SLC24A3: variants seen among roughly 807,000 people sequenced by gnomAD.
The protein encoded by SLC24A3 is sodium/potassium/calcium exchanger 3.
A neutral mutation model predicts 75.8 loss-of-function variants in SLC24A3; 28 were observed. The observed-to-expected ratio is 0.37, with a 90% CI of 0.27 to 0.51. The LOEUF is 0.51. Among genes scored for constraint, SLC24A3 ranks in the 20% least tolerant of loss-of-function variants. The pLI is 0.94. For synonymous variants in SLC24A3, 372 were observed against 334.1 expected, an observed-to-expected ratio of 1.11 and a Z score of -1.24; for missense variants, 663 against 847.8, an observed-to-expected ratio of 0.78 and a Z score of 2.71.
At chr20:19,220,554 A>G (rs1981679059) in intron 1 of SLC24A3, among the ~76,000 whole-genome samples, 1 of 152,214 alleles carries the variant, frequency 6.6e-6, no homozygotes, top group Non-Finnish European at 1.5e-5. Context: ...AGAACATGAA[A>G]CATTTATTTT....
chr20:19,585,306 A>G lies in SLC24A3; in HGVS notation c.509-135A>G. ...TGCAGCTATCATCCCTCTGTAGATT[A>G]GAAAGCTCTCTCCACCCCTCAGCTG... On this transcript the variant is annotated intron_variant, in intron 5 of 16. Transcript: ENST00000328041. 4.6e-6 allele frequency: 4 copies of G among 869,470 alleles called. No individual in the cohort carries two copies. In the South Asian group the frequency reaches 6.6e-5, roughly 14 times the overall value. 53.9% of individuals were successfully genotyped at this position (869,470 alleles called of 1,614,324 possible).
intron 2 of SLC24A3, among the ~76,000 whole-genome samples, chr20:19,449,209 C>T (rs556151672): frequency 6.6e-6 from 1 of 152,254 alleles, no homozygotes; most frequent in Admixed American, 6.5e-5. Flanking sequence ...TTCTCTACCA[C>T]CCCCGATCCT....
At chr20:19,383,061 TAA>T (rs933182117) in intron 2 of SLC24A3, among the ~76,000 whole-genome samples, 5 of 152,214 alleles carry the variant, frequency 3.3e-5, no homozygotes, top group African/African-American at 4.8e-5. Context: ...GTGCAAGTGG[TAA>T]AGTCACCAAG....
chr20:19,378,300 A>T (rs2122367729), intron 2 of SLC24A3, among the ~76,000 whole-genome samples: 1 of 152,226 alleles, frequency 6.6e-6, no homozygotes, highest in African/African-American at 2.4e-5. Context: ...AAAAAAAAAA[A>T]ATAAAGTTAT....
chr20:19,588,737 G>A (rs1388003776), intron 6 of SLC24A3, among the ~76,000 whole-genome samples: 1 of 152,170 alleles, frequency 6.6e-6, no homozygotes, highest in African/African-American at 2.4e-5. Flanking sequence ...TATCTTGTAC[G>A]TTGTATTGAA....
chr20:19,322,386 C>T (rs1184916831), intron 2 of SLC24A3, among the ~76,000 whole-genome samples: 1 of 149,534 alleles, frequency 6.7e-6, no homozygotes, highest in East Asian at 2.0e-4. Context: ...TTCCTTCCTT[C>T]CTTCCTTCCT....
intron 2 of SLC24A3, among the ~76,000 whole-genome samples, chr20:19,313,963 T>C (rs73284697): frequency 0.11 from 16,476 of 152,146 alleles, 2,914 homozygotes; most frequent in African/African-American, 0.37. Flanking sequence ...GATACATGAG[T>C]TGAACTATAG....
rs1467169189 is a variant in SLC24A3 at position 19,212,827 on chromosome 20, G to A, written c.-16G>A. The A allele has an allele frequency of 1.0e-6, 1 of 988,960 alleles. No homozygotes were observed. The highest frequency in any genetic ancestry group is 4.5e-5 in the South Asian group (1 of 22,166). 61.3% of individuals were successfully genotyped at this position (988,960 alleles called of 1,614,324 possible). On this transcript the variant is annotated 5_prime_UTR_variant, in exon 1 of 17. Transcript: ENST00000328041. ...GCGGCCGCCGCCCGCCGAGGCCGCC[G>A]CCCGGCCGCCCGAGGATGCGGCCGT... is the stretch of plus-strand genomic sequence containing the variant.
At position 19,269,934 on chromosome 20, in the gene SLC24A3, T is replaced by C. The variant is rs188529001; in HGVS notation, c.143-11025T>C. Among the ~76,000 whole-genome samples, 40 of 152,358 alleles carry C rather than the reference T, an allele frequency of 2.6e-4. No homozygotes were observed. In the East Asian group the frequency reaches 7.3e-3, roughly 28 times the overall value. ...ACATCCTGCATGCATACCTTCATCA[T>C]GACTCTTCTTCCTGCTGGACAGAAC... On this transcript the variant is annotated intron_variant, in intron 1 of 16. Coordinates refer to ENST00000328041, the MANE Select transcript of SLC24A3 (RefSeq NM_020689.4).
At chr20:19,653,416 C>T (rs1451768645) in intron 6 of SLC24A3, among the ~76,000 whole-genome samples, 1 of 152,156 alleles carries the variant, frequency 6.6e-6, no homozygotes, top group African/African-American at 2.4e-5. Flanking sequence ...CTGATTAAAC[C>T]GAGGTCAAAT....
chr20:19,624,496 A>G (rs993119480), intron 6 of SLC24A3, among the ~76,000 whole-genome samples: 5 of 152,328 alleles, frequency 3.3e-5, no homozygotes, highest in Admixed American at 6.5e-5. Context: ...GGGGCCCAGG[A>G]CAAAATAGCA....
intron 2 of SLC24A3, among the ~76,000 whole-genome samples, chr20:19,411,485 C>T (rs1384577318): frequency 1.3e-5 from 2 of 152,166 alleles, no homozygotes; most frequent in African/African-American, 4.8e-5. Flanking sequence ...GATGTTTCTT[C>T]CTCCCAAGTC....
chr20:19,597,242 C>G (rs1346605168), intron 6 of SLC24A3, among the ~76,000 whole-genome samples: 2 of 151,954 alleles, frequency 1.3e-5, no homozygotes, highest in Non-Finnish European at 2.9e-5. Context: ...TAAGAATTAG[C>G]CAGGTGTGGT....
At chr20:19,658,599 C>T (rs1245928254) in intron 7 of SLC24A3, among the ~76,000 whole-genome samples, 3 of 152,172 alleles carry the variant, frequency 2.0e-5, no homozygotes, top group Non-Finnish European at 4.4e-5. Context: ...GGGCCCTTCC[C>T]CAGCCCCAGT....
Position 19,508,985 on chromosome 20 carries a change from T to C in SLC24A3, c.272-6503T>C, listed in dbSNP as rs558972273. ...GCAAGACAGGAAGGAACTGGCAATATGTGGATTTCAACATCAAGACCAGAG... is the reference window on the plus strand; with the variant it reads ...GCAAGACAGGAAGGAACTGGCAATACGTGGATTTCAACATCAAGACCAGAG... On this transcript the variant is annotated intron_variant, in intron 2 of 16. Transcript: ENST00000328041. Among the ~76,000 whole-genome samples, 17 of 152,216 alleles carry C rather than the reference T, an allele frequency of 1.1e-4. 1 individual carries two copies. Among genetic ancestry groups the C allele is most frequent in the Non-Finnish European group, 2.5e-4 (17 of 68,022 alleles).
chr20:19,214,254 G>A (rs1427475873), intron 1 of SLC24A3, among the ~76,000 whole-genome samples: 2 of 152,110 alleles, frequency 1.3e-5, no homozygotes, highest in East Asian at 1.9e-4. Context: ...AAGACTCCAC[G>A]GCTCTCTCCA....
At chr20:19,539,312 C>T (rs964447600) in intron 3 of SLC24A3, among the ~76,000 whole-genome samples, 1 of 152,170 alleles carries the variant, frequency 6.6e-6, no homozygotes, top group Non-Finnish European at 1.5e-5. Flanking sequence ...TCCTCCTGCC[C>T]TCCCCACCTC....
intron 3 of SLC24A3, among the ~76,000 whole-genome samples, chr20:19,571,080 C>G (rs2031044272): frequency 6.6e-6 from 1 of 151,446 alleles, no homozygotes. Context: ...AGGATTTGAA[C>G]CCAGTGGGTC....
In SLC24A3 at chr20:19,491,989, C is replaced by A. The variant is rs554420118; in HGVS notation, c.272-23499C>A. On this transcript the variant is annotated intron_variant, in intron 2 of 16. Transcript: ENST00000328041. The stretch of plus-strand genomic sequence containing the variant: ...GAAGTGCTCAAGGGCCCCCCCTTCA[C>A]CCCTCTTCAAAGAGAAGGTGCATGT... Among the ~76,000 whole-genome samples, 23 of 152,120 alleles carry A rather than the reference C, an allele frequency of 1.5e-4. No homozygotes were observed. The South Asian group carries it at 4.2e-3, about 27-fold the overall frequency.
Sources: gnomAD v4.1 joint callset for allele counts (sites outside exome capture counted in the v4.1 genomes callset) on GRCh38, gnomAD v4.1.1 for gene constraint, MANE v1.5 for transcripts, NCBI Gene and HGNC (gene_info 2026-07-23, HGNC 2026-07-21) for gene names.